GLIS3: variants seen among roughly 807,000 people sequenced by gnomAD.
GLIS3 encodes zinc finger protein GLIS3.
GLIS3 carries 53 observed loss-of-function variants against 78.6 expected under a neutral mutation model. The ratio of observed to expected loss-of-function variants is 0.67; its 90% CI spans 0.54 to 0.85. GLIS3 has a LOEUF of 0.85. Ranked by LOEUF, GLIS3 falls within the 40% of genes least tolerant of loss-of-function variation. The probability of loss-of-function intolerance (pLI) is 0.00; values close to 1 mark genes in which losing one functional copy is unlikely to be tolerated. For synonymous variants in GLIS3, 684 were observed against 509.9 expected (o/e 1.34, Z -4.60); for missense variants, 1,703 against 1,231.1 (o/e 1.38, Z -5.74).
chr9:3,861,328 A>C (rs999034092), intron 8 of GLIS3, among the ~76,000 whole-genome samples: 3 of 152,204 alleles, frequency 2.0e-5, no homozygotes, highest in Non-Finnish European at 4.4e-5. Flanking sequence ...TAAATTAGTT[A>C]CACAATTGTA....
chr9:4,259,468 G>A (rs577876164), intron 2 of GLIS3, among the ~76,000 whole-genome samples: 1 of 152,052 alleles, frequency 6.6e-6, no homozygotes, highest in South Asian at 2.1e-4. Context: ...GTTAGGGGTG[G>A]GGGAACTAAG....
chr9:4,461,673 A>T, the GLIS3 span, among the ~76,000 whole-genome samples: 1 of 152,118 alleles, frequency 6.6e-6, no homozygotes, highest in Non-Finnish European at 1.5e-5. Context: ...AAAGAAAATA[A>T]TATGTACATT....
chr9:4,251,584 T>C (rs77277028), intron 2 of GLIS3, among the ~76,000 whole-genome samples: 44 of 152,336 alleles, frequency 2.9e-4, no homozygotes, highest in African/African-American at 8.9e-4. Flanking sequence ...CTGCGTCTAA[T>C]TGGGGCATTT....
intron 1 of GLIS3, among the ~76,000 whole-genome samples, chr9:4,292,823 TGTCTTTGAGAACTGA>T (rs1334862339): frequency 4.6e-5 from 7 of 152,324 alleles, no homozygotes; most frequent in African/African-American, 1.7e-4. Context: ...TAACACACAA[TGTCTTTGAGAACTGA>T]GTCTTTCAAA....
chr9:4,367,875 A>G, the GLIS3 span, among the ~76,000 whole-genome samples: 1 of 152,198 alleles, frequency 6.6e-6, no homozygotes, highest in Non-Finnish European at 1.5e-5. Flanking sequence ...TTCATTTAAT[A>G]CAACGAGGGA....
At chr9:4,425,470 T>C in the GLIS3 span, among the ~76,000 whole-genome samples, 2 of 152,210 alleles carry the variant, frequency 1.3e-5, no homozygotes, top group African/African-American at 2.4e-5. Flanking sequence ...TGGCAGGGCC[T>C]GCCAGGCAAG....
intron 8 of GLIS3, among the ~76,000 whole-genome samples, chr9:3,872,848 C>G (rs1362744800): frequency 6.6e-6 from 1 of 152,036 alleles, no homozygotes; most frequent in East Asian, 1.9e-4. Flanking sequence ...AATAAACAAT[C>G]TAAAAACATA....
intron 4 of GLIS3, among the ~76,000 whole-genome samples, chr9:4,094,058 T>A (rs1829740501): frequency 6.6e-6 from 1 of 152,210 alleles, no homozygotes. Context: ...TTCTTCCAGA[T>A]CATCTGTTCC....
chr9:4,271,507 G>A (rs548560540), intron 2 of GLIS3, among the ~76,000 whole-genome samples: 1 of 152,194 alleles, frequency 6.6e-6, no homozygotes, highest in Non-Finnish European at 1.5e-5. Flanking sequence ...GGAGAAGAAT[G>A]AAGTGATGTA....
intron 4 of GLIS3, among the ~76,000 whole-genome samples, chr9:4,109,947 A>G (rs1831078342): frequency 6.6e-6 from 1 of 152,180 alleles, no homozygotes; most frequent in South Asian, 2.1e-4. Context: ...CTCTACAGGC[A>G]TACTTGAGAG....
chr9:4,235,662 G>GC (rs1822665024), intron 2 of GLIS3, among the ~76,000 whole-genome samples: 1 of 152,112 alleles, frequency 6.6e-6, no homozygotes, highest in African/African-American at 2.4e-5. Context: ...ATGTATAAAT[G>GC]CAAGTGTCAG....
chr9:4,404,068 A>G, the GLIS3 span, among the ~76,000 whole-genome samples: 1 of 152,200 alleles, frequency 6.6e-6, no homozygotes, highest in Admixed American at 6.5e-5. Flanking sequence ...GAAGAGTAGG[A>G]GTAGCTATAC....
At chr9:4,128,734 C>A (rs1053426968) in intron 2 of GLIS3, among the ~76,000 whole-genome samples, 1 of 152,194 alleles carries the variant, frequency 6.6e-6, no homozygotes. Flanking sequence ...GAATTTTACA[C>A]TGGTCAAGGC....
chr9:4,358,169 A>C, the GLIS3 span, among the ~76,000 whole-genome samples: 1 of 152,070 alleles, frequency 6.6e-6, no homozygotes, highest in African/African-American at 2.4e-5. Context: ...TATATATGCA[A>C]AGAAAATTTC....
At chr9:4,215,892 C>T (rs1820781985) in intron 2 of GLIS3, among the ~76,000 whole-genome samples, 1 of 152,086 alleles carries the variant, frequency 6.6e-6, no homozygotes, top group Non-Finnish European at 1.5e-5. Context: ...AAAAATGGTT[C>T]AAGCAATATA....
At chr9:4,032,404 A>G (rs1823913870) in intron 4 of GLIS3, among the ~76,000 whole-genome samples, 1 of 152,134 alleles carries the variant, frequency 6.6e-6, no homozygotes. Flanking sequence ...AAAATGCAAA[A>G]GCATATCATC....
intron 2 of GLIS3, among the ~76,000 whole-genome samples, chr9:4,185,912 C>T (rs184711650): frequency 1.4e-4 from 22 of 152,140 alleles, no homozygotes; most frequent in African/African-American, 4.3e-4. Context: ...GGGAAGAGAG[C>T]GAGGTGGAAA....
rs1199612495 is a variant in GLIS3 at position 3,825,121 on chromosome 9, C to A, written c.*3151G>T. 2.6e-5 allele frequency: 4 copies of A among 152,122 alleles called. No homozygotes were observed. Among genetic ancestry groups the A allele is most frequent in the Admixed American group, 1.3e-4 (2 of 15,272 alleles). The allele number at this position is 152,122 out of a possible 1,614,324, so 9.4% of individuals were successfully genotyped here. ...CTCAGATGAGGGAGTTGAATTTATC[C>A]TTGCTCAAAATTGGTTTTAGGGGCT... On this transcript the variant is annotated 3_prime_UTR_variant, in exon 11 of 11. Transcript: ENST00000381971.
chr9:4,261,225 T>C (rs1303355578), intron 2 of GLIS3, among the ~76,000 whole-genome samples: 3 of 152,188 alleles, frequency 2.0e-5, no homozygotes, highest in Admixed American at 1.3e-4. Flanking sequence ...TGCAAAGCTC[T>C]GATGCTCCAC....
Sources: allele counts gnomAD v4.1 joint callset (sites outside exome capture counted in the v4.1 genomes callset), GRCh38; gene constraint gnomAD v4.1.1; transcripts MANE v1.5; gene names NCBI Gene and HGNC (gene_info 2026-07-23, HGNC 2026-07-21).